PM20D1: variants seen among roughly 807,000 people sequenced by gnomAD.
PM20D1 encodes the protein peptidase M20 domain containing 1.
PM20D1 carries 53 observed loss-of-function variants against 53.8 expected under a neutral mutation model. That is an observed-to-expected ratio of 0.98 (90% CI 0.79 to 1.24). The LOEUF (loss-of-function observed/expected upper bound fraction) is 1.24. Among genes scored for constraint, PM20D1 ranks in the 50% most tolerant of loss-of-function variants. The pLI, the probability that PM20D1 is intolerant of heterozygous loss-of-function variation, is 0.00. For synonymous variants in PM20D1, 239 were observed against 241.3 expected (o/e 0.99, Z 0.09); for missense variants, 564 against 616.8 (o/e 0.91, Z 0.91).
At chr1:205,845,167 G>T (rs1656921445) in intron 3 of PM20D1, among the ~76,000 whole-genome samples, 158 bp downstream of exon 3, 1 of 152,138 alleles carries the variant, frequency 6.6e-6, no homozygotes, top group Non-Finnish European at 1.5e-5. Flanking sequence ...AGAAATCAAG[G>T]CCCAGAGAAG....
chr1:205,844,008 G>A, intron 5 of PM20D1, 79 bp downstream of exon 5: 1 of 1,540,452 alleles, frequency 6.5e-7, no homozygotes, highest in South Asian at 1.2e-5. Context: ...TCTCAGCATG[G>A]CTCACAGATA....
intron 1 of PM20D1, 142 bp downstream of exon 1, chr1:205,849,762 T>G (rs1657086055): frequency 5.9e-6 from 6 of 1,012,668 alleles, no homozygotes; most frequent in East Asian, 2.8e-5. Flanking sequence ...CTGGGAAGGG[T>G]GTTGGGGCCG....
chr1:205,828,318 T>C lies in PM20D1; in HGVS notation c.*302A>G. 1 of 247,830 alleles carries C rather than the reference T, an allele frequency of 4.0e-6. No homozygotes were observed. The highest frequency in any genetic ancestry group is 7.7e-6 in the Non-Finnish European group (1 of 129,056). The allele number at this position is 247,830 out of a possible 1,614,324, so 15.4% of individuals were successfully genotyped here. On this transcript the variant is annotated 3_prime_UTR_variant, in exon 13 of 13. Transcript: ENST00000367136. ...TGGTTGAGATTTCTCAAATCTACATTTGTTAAGTCAAGCCTGGAAGGTGAA... is the reference window on the plus strand; with the variant it reads ...TGGTTGAGATTTCTCAAATCTACATCTGTTAAGTCAAGCCTGGAAGGTGAA...
Position 205,845,463 on chromosome 1 carries a change from C to T in PM20D1, c.351G>A (p.Leu117=), listed in dbSNP as rs758972181. 112 of 1,614,096 alleles carry T rather than the reference C, an allele frequency of 6.9e-5. No individual in the cohort carries two copies. Among genetic ancestry groups the T allele is most frequent in the Non-Finnish European group, 9.4e-5 (111 of 1,180,046 alleles). The part of the protein sequence containing the change: ...LFTIQGSDPS[L]QPYLLMAHFD... ...AGTGAGCCATCAGCAGGTAGGGCTG[C>T]AAGCTGGGGTCCGAGCCTTGGATAG... The change falls in exon 3 of 13, where the codon TTG becomes TTA. Residue 117 remains leucine, a synonymous_variant. Transcript: ENST00000367136.
intron 2 of PM20D1, among the ~76,000 whole-genome samples, chr1:205,845,864 C>A (rs899163173): frequency 6.6e-6 from 1 of 152,032 alleles, no homozygotes; most frequent in Non-Finnish European, 1.5e-5. Context: ...AGGTGGATCA[C>A]CTGAGGTCAG....
At position 205,828,649 on chromosome 1, in the gene PM20D1, C is replaced by A; in HGVS notation, c.1480G>T (p.Glu494Ter). ...AGTTTGTGCAGGTGAGAAACTGGCT[C>A]CTGGTCTGTGTCAGCATTCTGAATC... ...ELIQNADTDQ[E>*]PVSHLHKL The change falls in exon 13 of 13, where the codon GAG becomes TAG. Residue 494 changes from glutamate (E) to a stop codon, truncating the protein, a stop_gained. Transcript: ENST00000367136. LOFTEE classifies it high-confidence loss of function. 1.2e-6 allele frequency: 2 copies of A among 1,614,180 alleles called. No individual in the cohort carries two copies. The highest frequency in any genetic ancestry group is 1.7e-6 in the Non-Finnish European group (2 of 1,180,018).
intron 10 of PM20D1, among the ~76,000 whole-genome samples, chr1:205,837,146 A>C (rs1656702359): frequency 6.6e-6 from 1 of 152,234 alleles, no homozygotes; most frequent in Non-Finnish European, 1.5e-5. Context: ...TTAGAATGGG[A>C]ATCTTGTCTG....
chr1:205,829,540 A>G (rs1464713742), intron 12 of PM20D1, among the ~76,000 whole-genome samples: 1 of 152,246 alleles, frequency 6.6e-6, no homozygotes, highest in Non-Finnish European at 1.5e-5. Flanking sequence ...AACAAAACAG[A>G]GCAAAACAAA....
At position 205,844,065 on chromosome 1, in the gene PM20D1, T is replaced by G. The variant is rs200199700; in HGVS notation, c.707+22A>C. On this transcript the variant is annotated intron_variant, in intron 5 of 12. Transcript: ENST00000367136. ...TGGGGTGAGAATTCCCTCCAAGGTG[T>G]GGGGTGGGATGCTTTACTCACAAGG... The G allele has an allele frequency of 1.9e-4, 307 of 1,596,066 alleles. 1 individual carries two copies. The East Asian group carries it at 6.3e-3, about 33-fold the overall frequency.
chr1:205,842,334 C>A, intron 7 of PM20D1, 119 bp from the exon 8 acceptor site: 1 of 893,948 alleles, frequency 1.1e-6, no homozygotes. Flanking sequence ...AGGAGTGCTG[C>A]TAAATTCAGT....
intron 2 of PM20D1, among the ~76,000 whole-genome samples, chr1:205,846,565 C>T (rs1656990214): frequency 1.3e-5 from 2 of 151,942 alleles, no homozygotes; most frequent in South Asian, 2.1e-4. Context: ...ATTAGTAGGC[C>T]TCATTAACCA....
intron 1 of PM20D1, 150 bp downstream of exon 1, chr1:205,849,754 G>A (rs868688864): frequency 9.3e-6 from 9 of 970,086 alleles, no homozygotes; most frequent in Middle Eastern, 2.9e-4. Context: ...ACGATGTGCT[G>A]GGAAGGGTGT....
At chr1:205,841,790 G>A in intron 9 of PM20D1, 21 bp downstream of exon 9, 8 of 1,551,590 alleles carry the variant, frequency 5.2e-6, no homozygotes, top group Non-Finnish European at 6.1e-6. Context: ...AAGCTATATG[G>A]GGAGGAACCA....
intron 12 of PM20D1, among the ~76,000 whole-genome samples, chr1:205,829,272 T>C (rs1370399418): frequency 6.6e-6 from 1 of 152,182 alleles, no homozygotes; most frequent in African/African-American, 2.4e-5. Flanking sequence ...CAAGTGAGCC[T>C]CCTGCCTCAG....
intron 1 of PM20D1, among the ~76,000 whole-genome samples, chr1:205,848,268 G>T (rs931811050): frequency 1.3e-5 from 2 of 152,114 alleles, no homozygotes; most frequent in Non-Finnish European, 2.9e-5. Flanking sequence ...GAGGGAAGTG[G>T]ATTTTTGGAT....
At chr1:205,843,851 A>C in intron 5 of PM20D1, 65 bp from the exon 6 acceptor site, 1 of 1,580,734 alleles carries the variant, frequency 6.3e-7, no homozygotes, top group Non-Finnish European at 8.6e-7. Flanking sequence ...CCATAGGCCC[A>C]TAGGTCCATC....
chr1:205,839,696 C>CA (rs1227950834), intron 10 of PM20D1, among the ~76,000 whole-genome samples: 2 of 151,542 alleles, frequency 1.3e-5, no homozygotes, highest in African/African-American at 4.8e-5. Context: ...ATACAAAATA[C>CA]AAAAAATTAC....
At chr1:205,842,821 G>C in intron 6 of PM20D1, 70 bp from the exon 7 acceptor site, 2 of 1,437,394 alleles carry the variant, frequency 1.4e-6, no homozygotes, top group South Asian at 2.3e-5. Context: ...AAGAGGAGAA[G>C]AAGGGAGATA....
intron 10 of PM20D1, among the ~76,000 whole-genome samples, chr1:205,835,251 C>CA (rs1325653223): frequency 6.6e-6 from 1 of 152,162 alleles, no homozygotes; most frequent in Non-Finnish European, 1.5e-5. Flanking sequence ...TGGAGAAGGG[C>CA]AGGCACAAAA....
Sources: gnomAD v4.1 joint callset for allele counts (sites outside exome capture counted in the v4.1 genomes callset) on GRCh38, gnomAD v4.1.1 for gene constraint, MANE v1.5 for transcripts, NCBI Gene and HGNC (gene_info 2026-07-23, HGNC 2026-07-21) for gene names.